Variants in ZNF536 observed in about 807,000 individuals in gnomAD.
ZNF536 encodes zinc finger protein 536.
In ZNF536, 13 loss-of-function variants were observed where a neutral mutation model predicts 84.5. That is an observed-to-expected ratio of 0.15 (90% CI 0.10 to 0.24). The LOEUF (loss-of-function observed/expected upper bound fraction) is 0.24, where lower values mean the gene tolerates loss of function less well. Ranked by LOEUF, ZNF536 falls within the 10% of genes least tolerant of loss-of-function variation. ZNF536 has a pLI of 1.00. For missense variants in ZNF536, 1,536 were observed against 1,747.5 expected, an observed-to-expected ratio of 0.88 and a Z score of 2.16; for synonymous variants, 811 against 742.5, an observed-to-expected ratio of 1.09 and a Z score of -1.50.
intron 1 of ZNF536, among the ~76,000 whole-genome samples, chr19:30,652,041 G>A (rs536683037): frequency 1.3e-4 from 20 of 152,280 alleles, no homozygotes; most frequent in African/African-American, 4.6e-4. Flanking sequence ...CAGTCTTCAT[G>A]TTATGTTTAC....
chr19:30,697,452 C>T (rs1453964653), intron 1 of ZNF536, among the ~76,000 whole-genome samples: 2 of 152,206 alleles, frequency 1.3e-5, no homozygotes, highest in Non-Finnish European at 2.9e-5. Flanking sequence ...TACTTACAGC[C>T]TTTTCTAGCA....
intron 1 of ZNF536, among the ~76,000 whole-genome samples, chr19:30,565,647 G>A (rs1435491609): frequency 6.6e-6 from 1 of 152,170 alleles, no homozygotes; most frequent in African/African-American, 2.4e-5. Flanking sequence ...CACCTGAATA[G>A]TGAACGCTGT....
rs564615858 is a variant in ZNF536, at chr19:30,587,590, T to C, written c.169+38076T>C. Among the ~76,000 whole-genome samples the C allele has an allele frequency of 6.6e-5, 10 of 152,350 alleles. No individual in the cohort carries two copies. The South Asian group carries it at 1.2e-3, about 19-fold the overall frequency. On this transcript the variant is annotated intron_variant, in intron 1 of 1. Transcript: ENST00000592773. The stretch of plus-strand genomic sequence containing the variant: ...CTGTCCTGGGCAGCCTGCTCCAGCA[T>C]GCCATCACTCATACCCTTCATTGTC...
chr19:30,437,322 G>A (rs1311995112), intron 1 of ZNF536, among the ~76,000 whole-genome samples: 1 of 152,094 alleles, frequency 6.6e-6, no homozygotes, highest in Non-Finnish European at 1.5e-5. Context: ...TTTTGTCATT[G>A]ATATCACAGG....
At chr19:30,376,201 A>C (rs2048813519) in intron 1 of ZNF536, among the ~76,000 whole-genome samples, 1 of 152,090 alleles carries the variant, frequency 6.6e-6, no homozygotes, top group South Asian at 2.1e-4. Flanking sequence ...TCCAGTGCCC[A>C]GTCTCCCTGG....
At chr19:30,347,274 T>C (rs1213743377) in intron 2 of ZNF536, among the ~76,000 whole-genome samples, 1 of 152,220 alleles carries the variant, frequency 6.6e-6, no homozygotes, top group Non-Finnish European at 1.5e-5. Flanking sequence ...TATTCAAGCA[T>C]ATCGGTGGAG....
At chr19:30,493,116 T>G (rs1221988618) in intron 2 of ZNF536, among the ~76,000 whole-genome samples, 1 of 131,582 alleles carries the variant, frequency 7.6e-6, no homozygotes, top group East Asian at 2.0e-4. Context: ...TTTTTTTTTT[T>G]GCCCATCCCT....
intron 1 of ZNF536, among the ~76,000 whole-genome samples, chr19:30,239,523 G>A (rs1228554269): frequency 2.6e-5 from 4 of 152,282 alleles, no homozygotes; most frequent in Middle Eastern, 6.8e-3. Context: ...TTGGAGAATC[G>A]ACAGTCATGA....
intron 1 of ZNF536, among the ~76,000 whole-genome samples, chr19:30,274,952 A>G (rs1322431324): frequency 6.6e-6 from 1 of 152,106 alleles, no homozygotes; most frequent in African/African-American, 2.4e-5. Flanking sequence ...GTGGTGATAC[A>G]CTCTATTAGA....
chr19:30,481,336 G>C (rs1241775670), intron 2 of ZNF536, among the ~76,000 whole-genome samples: 1 of 152,168 alleles, frequency 6.6e-6, no homozygotes, highest in East Asian at 1.9e-4. Flanking sequence ...CTCTGGGGGA[G>C]TCACACTGGT....
At chr19:30,701,372 C>A (rs1222318501) in intron 1 of ZNF536, among the ~76,000 whole-genome samples, 4 of 151,368 alleles carry the variant, frequency 2.6e-5, no homozygotes, top group Non-Finnish European at 4.4e-5. Flanking sequence ...CACAAATACA[C>A]AAACACAAAC....
intron 1 of ZNF536, among the ~76,000 whole-genome samples, chr19:30,435,884 A>C (rs376311617): frequency 2.6e-5 from 4 of 152,158 alleles, no homozygotes; most frequent in Non-Finnish European, 1.5e-5. Flanking sequence ...GTTTTAGCAG[A>C]GACTCCAAAA....
intron 2 of ZNF536, among the ~76,000 whole-genome samples, chr19:30,310,980 AG>A (rs901951041): frequency 6.6e-6 from 1 of 152,060 alleles, no homozygotes; most frequent in African/African-American, 2.4e-5. Flanking sequence ...GGTTTTTGTA[AG>A]GTTGGTTCAG....
intron 2 of ZNF536, among the ~76,000 whole-genome samples, chr19:30,311,480 G>C (rs2146095355): frequency 6.6e-6 from 1 of 152,332 alleles, no homozygotes; most frequent in South Asian, 2.1e-4. Context: ...TGGTGCCCTA[G>C]GCAGGTGCTT....
At chr19:30,471,962 C>T (rs1212311980) in intron 2 of ZNF536, among the ~76,000 whole-genome samples, 1 of 152,030 alleles carries the variant, frequency 6.6e-6, no homozygotes, top group Non-Finnish European at 1.5e-5. Flanking sequence ...GCTACATGAG[C>T]CTTTATGCTG....
At chr19:30,336,993 G>A (rs1056066404) in intron 2 of ZNF536, among the ~76,000 whole-genome samples, 2 of 152,034 alleles carry the variant, frequency 1.3e-5, no homozygotes, top group African/African-American at 4.8e-5. Flanking sequence ...TGAGAACTCA[G>A]GAAAAGGCAG....
chr19:30,242,360 G>A (rs574983693), intron 1 of ZNF536, among the ~76,000 whole-genome samples: 4 of 152,112 alleles, frequency 2.6e-5, no homozygotes, highest in South Asian at 4.2e-4. Context: ...CTTCCCGGTC[G>A]GCTACCCCCA....
intron 2 of ZNF536, among the ~76,000 whole-genome samples, chr19:30,532,875 A>G (rs1201825613): frequency 6.6e-6 from 1 of 152,232 alleles, no homozygotes; most frequent in Admixed American, 6.5e-5. Context: ...TGACTTTGCA[A>G]CACTCTCTTG....
At chr19:30,383,620 C>T (rs1418486246) in intron 1 of ZNF536, among the ~76,000 whole-genome samples, 2 of 149,288 alleles carry the variant, frequency 1.3e-5, no homozygotes, top group Non-Finnish European at 3.0e-5. Flanking sequence ...TTCTCTCTTT[C>T]TCTTTCTTTC....
Sources: allele counts gnomAD v4.1 joint callset (sites outside exome capture counted in the v4.1 genomes callset), GRCh38; gene constraint gnomAD v4.1.1; transcripts MANE v1.5; gene names NCBI Gene and HGNC (gene_info 2026-07-23, HGNC 2026-07-21).